FAM167A: variants seen among roughly 807,000 people sequenced by gnomAD.
FAM167A encodes the protein protein FAM167A.
Under a neutral mutation model 14.9 loss-of-function variants are expected in FAM167A, and 23 were observed. The ratio of observed to expected loss-of-function variants is 1.55; its 90% CI spans 1.11 to 2.19. The LOEUF is 2.19. Among genes scored for constraint, FAM167A ranks in the 30% most tolerant of loss-of-function variants. FAM167A has a pLI of 0.00. For synonymous variants in FAM167A, 174 were observed against 117.7 expected (o/e 1.48, Z -3.10); for missense variants, 401 against 281.5 (o/e 1.42, Z -3.04).
At chr8:11,473,960 G>C (rs1215793906) in intron 1 of FAM167A, among the ~76,000 whole-genome samples, 1 of 151,830 alleles carries the variant, frequency 6.6e-6, no homozygotes, top group East Asian at 1.9e-4. Context: ...GCCAATCTTT[G>C]CCTCCTGGGT....
intron 2 of FAM167A, among the ~76,000 whole-genome samples, chr8:11,441,222 T>C (rs1240728641): frequency 6.6e-6 from 1 of 152,198 alleles, no homozygotes; most frequent in Admixed American, 6.5e-5. Context: ...TGGGCAGTTA[T>C]GACAGACACA....
chr8:11,444,493 C>G lies in FAM167A; in HGVS notation c.-82G>C. On this transcript the variant is annotated 5_prime_UTR_variant, in exon 2 of 3. Transcript: ENST00000284486. ...CTTGGTGGGTGGCACAGTTGGGTCC[C>G]GCTCTGGGATGGCCTCATCCAGGTG... The G allele has an allele frequency of 3.4e-6, 5 of 1,491,966 alleles. No homozygotes were observed. Among genetic ancestry groups the G allele is most frequent in the Non-Finnish European group, 4.4e-6 (5 of 1,127,038 alleles). 92.4% of individuals were successfully genotyped at this position (1,491,966 alleles called of 1,614,324 possible).
rs1804905798 is a variant in FAM167A, at chr8:11,423,474, C to G, written c.*899G>C. The G allele has an allele frequency of 6.6e-6, 1 of 152,586 alleles. No homozygotes were observed. Among genetic ancestry groups the G allele is most frequent in the Non-Finnish European group, 1.5e-5 (1 of 68,060 alleles). 9.5% of individuals were successfully genotyped at this position (152,586 alleles called of 1,614,324 possible). The stretch of plus-strand genomic sequence containing the variant: ...TGGGCCTCTGGGCTCCCTAGATTGT[C>G]TTTCCAGAGAGGGCAGTAAGGTGAC... On this transcript the variant is annotated 3_prime_UTR_variant, in exon 3 of 3. Coordinates refer to ENST00000284486, the MANE Select transcript of FAM167A (RefSeq NM_053279.3).
chr8:11,439,983 C>G (rs1456015861), intron 2 of FAM167A, among the ~76,000 whole-genome samples: 2 of 152,146 alleles, frequency 1.3e-5, no homozygotes, highest in Admixed American at 6.5e-5. Flanking sequence ...GAGAATCCCA[C>G]AGCTCCAGAT....
At chr8:11,430,143 C>G (rs992589578) in intron 2 of FAM167A, among the ~76,000 whole-genome samples, 2 of 152,216 alleles carry the variant, frequency 1.3e-5, no homozygotes, top group African/African-American at 2.4e-5. Flanking sequence ...AGTCCCCGCT[C>G]CCAGCGTGGC....
At chr8:11,459,491 GGAA>G (rs2117141764) in intron 1 of FAM167A, among the ~76,000 whole-genome samples, 1 of 152,362 alleles carries the variant, frequency 6.6e-6, no homozygotes, top group South Asian at 2.1e-4. Flanking sequence ...GGGCAGAAGA[GGAA>G]GAAGAGACCG....
chr8:11,430,604 G>GA (rs1472917623), intron 2 of FAM167A, among the ~76,000 whole-genome samples: 1 of 152,100 alleles, frequency 6.6e-6, no homozygotes, highest in African/African-American at 2.4e-5. Flanking sequence ...ACCAATTAAA[G>GA]AAAGAGAGCA....
chr8:11,449,220 A>C (rs888296695), intron 1 of FAM167A, among the ~76,000 whole-genome samples: 1 of 152,218 alleles, frequency 6.6e-6, no homozygotes, highest in Non-Finnish European at 1.5e-5. Context: ...AACAAGCCCA[A>C]AGGGGTTTCT....
At chr8:11,472,196 C>A (rs890482807), upstream of FAM167A, among the ~76,000 whole-genome samples, 2 of 152,166 alleles carry the variant, frequency 1.3e-5, no homozygotes, top group Non-Finnish European at 1.5e-5. Context: ...GTTTAAGGAG[C>A]AGATTACGCA....
chr8:11,467,146 A>T (rs1367697413), upstream of FAM167A, among the ~76,000 whole-genome samples: 2 of 151,998 alleles, frequency 1.3e-5, no homozygotes, highest in Non-Finnish European at 2.9e-5. Flanking sequence ...AGTTCATAGG[A>T]CCCGCGGCCA....
At chr8:11,474,562 C>G (rs961755740) in intron 1 of FAM167A, 2 of 152,122 alleles carry the variant, frequency 1.3e-5, no homozygotes, top group Non-Finnish European at 1.5e-5. Flanking sequence ...GAACTAGAGG[C>G]AGAAAAGAAG....
At chr8:11,442,905 G>A (rs922835483) in intron 2 of FAM167A, among the ~76,000 whole-genome samples, 3 of 152,210 alleles carry the variant, frequency 2.0e-5, no homozygotes, top group Middle Eastern at 3.2e-3. Flanking sequence ...CTGCGTCCCT[G>A]AGCCCTGCCC....
upstream of FAM167A, among the ~76,000 whole-genome samples, chr8:11,470,889 G>A (rs2117172728): frequency 6.6e-6 from 1 of 152,180 alleles, no homozygotes; most frequent in African/African-American, 2.4e-5. Context: ...AGCTGCAATG[G>A]CTCCTCCCTG....
intron 1 of FAM167A, among the ~76,000 whole-genome samples, chr8:11,462,538 C>T (rs1018140762): frequency 2.4e-4 from 36 of 152,162 alleles, no homozygotes; most frequent in African/African-American, 7.0e-4. Context: ...TTAACTGAAG[C>T]GTGCAGAACA....
At position 11,422,142 on chromosome 8, in the gene FAM167A, G is replaced by C. The variant is rs1040788988; in HGVS notation, c.*2231C>G. The C allele has an allele frequency of 1.1e-4, 29 of 263,334 alleles. No individual in the cohort carries two copies. The highest frequency in any genetic ancestry group is 6.2e-4 in the African/African-American group (28 of 45,390). The allele number at this position is 263,334 out of a possible 1,614,324, so 16.3% of individuals were successfully genotyped here. ...AGAATGAAGAAAGCAAGCAAGCACT[G>C]GGTTACCCAAGCAACTAAATCACTC... is the stretch of plus-strand genomic sequence containing the variant. On this transcript the variant is annotated 3_prime_UTR_variant, in exon 3 of 3. Coordinates refer to ENST00000284486, the MANE Select transcript of FAM167A (RefSeq NM_053279.3).
At chr8:11,445,066 C>G in intron 1 of FAM167A, 4 of 939,548 alleles carry the variant, frequency 4.3e-6, no homozygotes, top group Non-Finnish European at 5.1e-6. Context: ...ATTTAATGCC[C>G]CCAGCAAGTC....
rs922544676 is a variant in FAM167A, at chr8:11,424,777, G to A, written c.382-141C>T. The A allele has an allele frequency of 7.0e-6, 9 of 1,293,192 alleles. No homozygotes were observed. In the African/African-American group the frequency reaches 1.2e-4, roughly 17 times the overall value. 80.1% of individuals were successfully genotyped at this position (1,293,192 alleles called of 1,614,324 possible). On this transcript the variant is annotated intron_variant, in intron 2 of 2. Coordinates refer to ENST00000284486, the MANE Select transcript of FAM167A (RefSeq NM_053279.3). ...AAATATTAGCACTTTCCCTGCTCAG[G>A]GAGGTGAAAAGACACAGAAAGCAAG... is the stretch of plus-strand genomic sequence containing the variant.
intron 1 of FAM167A, chr8:11,445,474 C>T (rs912861339): frequency 4.9e-5 from 48 of 985,850 alleles, no homozygotes; most frequent in African/African-American, 4.7e-4. Flanking sequence ...GGGAAGAAGG[C>T]GGTGGCACCT....
intron 1 of FAM167A, chr8:11,445,548 C>T (rs1027058216): frequency 1.4e-5 from 14 of 985,442 alleles, no homozygotes; most frequent in African/African-American, 1.7e-5. Flanking sequence ...CTCGTGTTCA[C>T]CTAAGTGCCC....
Sources: allele counts gnomAD v4.1 joint callset (sites outside exome capture counted in the v4.1 genomes callset), GRCh38; gene constraint gnomAD v4.1.1; transcripts MANE v1.5; gene names NCBI Gene and HGNC (gene_info 2026-07-23, HGNC 2026-07-21).